Variants in ARL15 observed in about 807,000 individuals in gnomAD.
The protein encoded by ARL15 is ADP-ribosylation factor-like protein 15.
Under a neutral mutation model 25.2 loss-of-function variants are expected in ARL15, and 19 were observed. The observed-to-expected ratio is 0.75, with a 90% CI of 0.53 to 1.10. The LOEUF is 1.10. ARL15 is among the 50% of genes least tolerant of loss of function. The pLI is 0.00. For synonymous variants in ARL15, 94 were observed against 86.8 expected, an observed-to-expected ratio of 1.08 and a Z score of -0.46; for missense variants, 220 against 246.0, an observed-to-expected ratio of 0.89 and a Z score of 0.71.
chr5:54,226,877 C>G (rs551855427), intron 1 of ARL15, among the ~76,000 whole-genome samples: 1 of 152,098 alleles, frequency 6.6e-6, no homozygotes, highest in Non-Finnish European at 1.5e-5. Context: ...TGGGAGATAA[C>G]TGAATCATGG....
At chr5:54,273,606 C>G (rs945855546) in intron 1 of ARL15, among the ~76,000 whole-genome samples, 1 of 152,164 alleles carries the variant, frequency 6.6e-6, no homozygotes, top group Non-Finnish European at 1.5e-5. Context: ...AATTCTGCCT[C>G]AAAATCCTAT....
chr5:54,044,788 C>T (rs1157835194), intron 4 of ARL15, among the ~76,000 whole-genome samples: 1 of 152,170 alleles, frequency 6.6e-6, no homozygotes, highest in Non-Finnish European at 1.5e-5. Flanking sequence ...AAAATCTCTA[C>T]AAACATTAGA....
chr5:53,888,155 T>C (rs1297906991), intron 4 of ARL15, among the ~76,000 whole-genome samples: 1 of 152,122 alleles, frequency 6.6e-6, no homozygotes, highest in Non-Finnish European at 1.5e-5. Flanking sequence ...AACACCTCAC[T>C]TGCAGATCAG....
In ARL15 at chr5:54,085,186, G is replaced by C. The variant is rs564638243; in HGVS notation, c.462+28016C>G. On this transcript the variant is annotated intron_variant, in intron 4 of 4. Coordinates refer to ENST00000504924, the MANE Select transcript of ARL15 (RefSeq NM_019087.3). ...CAATGACAATAAGAATAAATGAATT[G>C]TTTAACCCTGTGAGCTTCAGAATGC... Among the ~76,000 whole-genome samples, 20 of 152,280 alleles carry C rather than the reference G, an allele frequency of 1.3e-4. No homozygotes were observed. In the South Asian group the frequency reaches 3.9e-3, roughly 30 times the overall value.
intron 4 of ARL15, among the ~76,000 whole-genome samples, chr5:53,897,009 G>T (rs1744894498): frequency 6.6e-6 from 1 of 152,106 alleles, no homozygotes; most frequent in Admixed American, 6.5e-5. Flanking sequence ...TTCTTCCACT[G>T]CTTGGTTGGA....
At chr5:54,075,277 C>T (rs956236710) in intron 4 of ARL15, among the ~76,000 whole-genome samples, 2 of 152,016 alleles carry the variant, frequency 1.3e-5, no homozygotes, top group Non-Finnish European at 2.9e-5. Context: ...ACTAGACAAA[C>T]AAGGTAGGCT....
intron 4 of ARL15, among the ~76,000 whole-genome samples, chr5:53,918,090 C>T (rs1473243592): frequency 1.3e-5 from 2 of 152,018 alleles, no homozygotes; most frequent in African/African-American, 2.4e-5. Context: ...ACACTAGATG[C>T]CCAAGTGTAT....
chr5:53,919,156 T>C (rs979218539), intron 4 of ARL15, among the ~76,000 whole-genome samples: 1 of 152,192 alleles, frequency 6.6e-6, no homozygotes, highest in Non-Finnish European at 1.5e-5. Flanking sequence ...AGGAACCATA[T>C]TGCAAAGATC....
In ARL15 at chr5:54,296,537, C is replaced by T. The variant is rs7731132; in HGVS notation, c.48+13895G>A. Among the ~76,000 whole-genome samples, 395 of 152,354 alleles carry T rather than the reference C, an allele frequency of 2.6e-3. 1 individual carries two copies. Among genetic ancestry groups the T allele is most frequent in the African/African-American group, 8.6e-3 (358 of 41,580 alleles). On this transcript the variant is annotated intron_variant, in intron 1 of 4. Coordinates refer to ENST00000504924, the MANE Select transcript of ARL15 (RefSeq NM_019087.3). ...ATTTACTCAGCACCTGTCAGGTGTA[C>T]TTGTGCCAGGTTCTGGGCATATTAA...
intron 1 of ARL15, among the ~76,000 whole-genome samples, chr5:54,265,375 C>G: frequency 6.6e-6 from 1 of 152,248 alleles, no homozygotes; most frequent in South Asian, 2.1e-4. Flanking sequence ...AGTGCTGCCA[C>G]TTTAAAGACT....
chr5:54,232,606 G>A (rs1302175287), intron 1 of ARL15, among the ~76,000 whole-genome samples: 1 of 152,130 alleles, frequency 6.6e-6, no homozygotes. Flanking sequence ...GGAGAAACAG[G>A]GCAGAGTGGG....
At chr5:54,297,237 G>T (rs1758490441) in intron 1 of ARL15, among the ~76,000 whole-genome samples, 2 of 152,218 alleles carry the variant, frequency 1.3e-5, no homozygotes, top group Admixed American at 6.5e-5. Flanking sequence ...CTCAGTTGCT[G>T]TCTGGATCTA....
intron 4 of ARL15, among the ~76,000 whole-genome samples, chr5:53,989,294 CA>C (rs34524964): frequency 0.63 from 96,143 of 151,994 alleles, 30,897 homozygotes; most frequent in East Asian, 0.86. Flanking sequence ...AGGGAACACT[CA>C]ATGTTATTCT....
intron 1 of ARL15, among the ~76,000 whole-genome samples, chr5:54,250,562 T>C (rs1268096416): frequency 1.3e-5 from 2 of 151,646 alleles, no homozygotes; most frequent in Middle Eastern, 3.4e-3. Context: ...TTCTGAGGAG[T>C]AGAAATGAAG....
intron 3 of ARL15, 199 bp downstream of exon 3, chr5:54,154,381 A>C (rs1754157640): frequency 2.3e-6 from 1 of 436,568 alleles, no homozygotes; most frequent in Non-Finnish European, 4.0e-6. Flanking sequence ...AAAACCCCCA[A>C]AGTTTATGTT....
chr5:54,205,526 A>C (rs1579909478), intron 1 of ARL15, among the ~76,000 whole-genome samples: 2 of 152,194 alleles, frequency 1.3e-5, no homozygotes, highest in Non-Finnish European at 2.9e-5. Context: ...TGGCTGGCCC[A>C]TCTGACACTT....
chr5:54,134,985 A>G (rs1020925479), intron 3 of ARL15, among the ~76,000 whole-genome samples: 1 of 152,226 alleles, frequency 6.6e-6, no homozygotes. Flanking sequence ...ATTGAATTAA[A>G]AAGTTGAAGA....
At position 54,287,606 on chromosome 5, in the gene ARL15, G is replaced by A. The variant is rs16882586; in HGVS notation, c.48+22826C>T. Among the ~76,000 whole-genome samples, 1,393 of 151,984 alleles carry A rather than the reference G, an allele frequency of 9.2e-3. 20 individuals are homozygous for A. Among genetic ancestry groups the A allele is most frequent in the African/African-American group, 0.028 (1,180 of 41,424 alleles). ...TTTGCAAATAATTGCTTCTCAGTCC[G>A]ATATCAATTATTGATAACTATTAAC... On this transcript the variant is annotated intron_variant, in intron 1 of 4. Transcript: ENST00000504924.
At chr5:54,293,271 C>A (rs934874490) in intron 1 of ARL15, among the ~76,000 whole-genome samples, 4 of 152,130 alleles carry the variant, frequency 2.6e-5, no homozygotes, top group African/African-American at 7.2e-5. Flanking sequence ...ATTTGATAAG[C>A]CTTCAGTTCT....
Sources: allele counts gnomAD v4.1 joint callset (sites outside exome capture counted in the v4.1 genomes callset), GRCh38; gene constraint gnomAD v4.1.1; transcripts MANE v1.5; gene names NCBI Gene and HGNC (gene_info 2026-07-23, HGNC 2026-07-21).